HNF1B: variants seen among roughly 807,000 people sequenced by gnomAD.
The protein encoded by HNF1B is HNF1 homeobox B.
A neutral mutation model predicts 61.7 loss-of-function variants in HNF1B; 8 were observed. The ratio of observed to expected loss-of-function variants is 0.13; its 90% confidence interval spans 0.08 to 0.23. The LOEUF (loss-of-function observed/expected upper bound fraction) is 0.23, where lower values mean the gene tolerates loss of function less well. Ranked by LOEUF, HNF1B falls within the 10% of genes least tolerant of loss-of-function variation. The probability of loss-of-function intolerance (pLI) is 1.00; values close to 1 mark genes in which losing one functional copy is unlikely to be tolerated. For missense variants in HNF1B, 562 were observed against 714.5 expected (o/e 0.79, Z 2.43); for synonymous variants, 314 against 287.7 (o/e 1.09, Z -0.93).
chr17:37,736,011 C>T (rs933101584), intron 2 of HNF1B, among the ~76,000 whole-genome samples: 7 of 152,216 alleles, frequency 4.6e-5, no homozygotes, highest in African/African-American at 7.2e-5. Context: ...GCAGTCTTCC[C>T]GCCACCTCAG....
At chr17:37,733,959 G>T in intron 2 of HNF1B, 138 bp from the exon 3 acceptor site, 2 of 1,043,778 alleles carry the variant, frequency 1.9e-6, no homozygotes, top group South Asian at 1.4e-5. Context: ...CTCACTGCAT[G>T]TGGAGCTGGA....
intron 4 of HNF1B, among the ~76,000 whole-genome samples, chr17:37,717,689 G>C (rs1255669638): frequency 6.6e-6 from 1 of 152,156 alleles, no homozygotes; most frequent in African/African-American, 2.4e-5. Context: ...GATTCTGTCT[G>C]GTGAACTTCT....
chr17:37,727,005 G>A lies in HNF1B; in HGVS notation c.1045+4590C>T, dbSNP rs78488282. Among the ~76,000 whole-genome samples the A allele has an allele frequency of 8.9e-3, 1,355 of 152,144 alleles. 17 individuals carry two copies. Among genetic ancestry groups the A allele is most frequent in the African/African-American group, 0.029 (1,213 of 41,476 alleles). On this transcript the variant is annotated intron_variant, in intron 4 of 8. Coordinates refer to ENST00000617811, the MANE Select transcript of HNF1B (RefSeq NM_000458.4). ...GTAGTGGCCAGGTGAGCTTGCTGCCGACTAGAGCAAAGGGTACAGGGAGCA... is the reference window on the plus strand; with the variant it reads ...GTAGTGGCCAGGTGAGCTTGCTGCCAACTAGAGCAAAGGGTACAGGGAGCA...
chr17:37,734,582 C>T (rs2033780360), intron 2 of HNF1B, among the ~76,000 whole-genome samples: 1 of 152,256 alleles, frequency 6.6e-6, no homozygotes, highest in Non-Finnish European at 1.5e-5. Flanking sequence ...CCTTAGCCCA[C>T]ATGGTTTAAT....
intron 4 of HNF1B, among the ~76,000 whole-genome samples, chr17:37,724,156 C>T (rs1308613209): frequency 1.3e-5 from 2 of 152,204 alleles, no homozygotes; most frequent in African/African-American, 4.8e-5. Flanking sequence ...TCTTCAACAG[C>T]ACCTGGGAAC....
intron 7 of HNF1B, among the ~76,000 whole-genome samples, chr17:37,699,783 T>C (rs1386109415): frequency 5.9e-5 from 9 of 152,124 alleles, no homozygotes; most frequent in Admixed American, 3.3e-4. Flanking sequence ...TAAAATGTGA[T>C]TGGAATGTGA....
In HNF1B at chr17:37,715,794, C is replaced by T. The variant is rs554666690; in HGVS notation, c.1046-5131G>A. 1.5e-3 allele frequency among the ~76,000 whole-genome samples: 232 copies of T among 152,286 alleles called. 2 individuals are homozygous for T. Among genetic ancestry groups the T allele is most frequent in the African/African-American group, 5.3e-3 (221 of 41,554 alleles). ...ATTGATATATTTCTTAACTATTTAA[C>T]GGGTATAAAACTCTGGTAATCTTTT... On this transcript the variant is annotated intron_variant, in intron 4 of 8. Transcript: ENST00000617811.
rs764132839 is a variant in HNF1B at position 37,731,657 on chromosome 17, G to A, written c.983C>T (p.Pro328Leu). Reference protein sequence around the residue: ...YSSNQTHSLNPLLSHGSPHHQ... With the variant: ...YSSNQTHSLNLLLSHGSPHHQ... ...GTGGGGGGAGCCGTGGGAGAGCAGA[G>A]GGTTCAGGCTGTGAGTCTGGTTGGA... Residue 328 changes from proline (P) to leucine (L), a missense_variant, in exon 4 of 9, where the codon CCT becomes CTT. Pro to Leu is a moderately conservative substitution (Grantham distance 98). Transcript: ENST00000617811. The A allele has an allele frequency of 3.1e-6, 5 of 1,614,050 alleles. No individual in the cohort carries two copies. The Admixed American group carries it at 8.3e-5, about 27-fold the overall frequency.
rs1355936200 is a variant in HNF1B at position 37,741,665 on chromosome 17, T to G, written c.345-2026A>C. On this transcript the variant is annotated intron_variant, in intron 1 of 8. Coordinates refer to ENST00000617811, the MANE Select transcript of HNF1B (RefSeq NM_000458.4). The stretch of plus-strand genomic sequence containing the variant: ...ACTCCTCGAACCTTAGGGGAAAAAT[T>G]GCATTTTAAAAGTGAATATTGCTTT... Among the ~76,000 whole-genome samples the G allele has an allele frequency of 3.3e-5, 5 of 152,330 alleles. No individual in the cohort carries two copies. The East Asian group carries it at 9.6e-4, about 29-fold the overall frequency.
Position 37,744,935 on chromosome 17 carries a change from A to G in HNF1B, c.-51T>C. ...GTGAGGGGGTGGGTGGGTGCGAGAG[A>G]GGAGGGTGGAGGGGAGTTTCACAAG... is the stretch of plus-strand genomic sequence containing the variant. On this transcript the variant is annotated 5_prime_UTR_variant, in exon 1 of 9. Coordinates refer to ENST00000617811, the MANE Select transcript of HNF1B (RefSeq NM_000458.4). 7.4e-7 allele frequency: 1 copy of G among 1,347,960 alleles called. No individual in the cohort carries two copies. The highest frequency in any genetic ancestry group is 1.8e-5 in the Admixed American group (1 of 54,624). The allele number at this position is 1,347,960 out of a possible 1,614,324, so 83.5% of individuals were successfully genotyped here.
chr17:37,689,998 T>C (rs912734213), intron 8 of HNF1B, among the ~76,000 whole-genome samples: 2 of 89,182 alleles, frequency 2.2e-5, no homozygotes, highest in African/African-American at 9.2e-5. Flanking sequence ...AGTAAACAAA[T>C]GCGTGCACAC....
Position 37,701,156 on chromosome 17 carries a change from T to A in HNF1B, c.1361A>T (p.Gln454Leu). The change falls in exon 7 of 9, where the codon CAG (glutamine) becomes CTG (leucine). Residue 454 changes from glutamine to leucine, a missense_variant. By Grantham distance (113) the Gln-to-Leu change is moderately radical (BLOSUM62 -2). This residue lies in a region of HNF1B where 211 missense variants were observed against 200.7 expected (regional missense o/e 1.05). Transcript: ENST00000617811. ...CACACTGTTGATGACAGGGACACTC[T>A]GTGCTTGGGAGGTGTTGAGGCCTGT... Reference protein sequence around the residue: ...IAQSLNTSQAQSVPVINSVAG... With the variant: ...IAQSLNTSQALSVPVINSVAG... 1.3e-6 allele frequency: 2 copies of A among 1,551,324 alleles called. No homozygotes were observed. The highest frequency in any genetic ancestry group is 1.2e-5 in the South Asian group (1 of 84,014).
At chr17:37,711,002 A>G (rs138070768) in intron 4 of HNF1B, among the ~76,000 whole-genome samples, 3 of 152,358 alleles carry the variant, frequency 2.0e-5, no homozygotes, top group Non-Finnish European at 4.4e-5. Context: ...TTGCTTCCGC[A>G]CAGTTCTTTG....
chr17:37,739,724 C>A, intron 1 of HNF1B, 85 bp from the exon 2 acceptor site: 1 of 1,266,386 alleles, frequency 7.9e-7, no homozygotes, highest in South Asian at 1.3e-5. Context: ...TACCTATGGT[C>A]TATGCAAAAT....
chr17:37,691,589 A>G (rs963018159), intron 8 of HNF1B, among the ~76,000 whole-genome samples: 2 of 152,100 alleles, frequency 1.3e-5, no homozygotes, highest in African/African-American at 4.8e-5. Context: ...TTCCTTTGGG[A>G]CATGCGCTGA....
chr17:37,704,542 A>G (rs2032676118), intron 6 of HNF1B, among the ~76,000 whole-genome samples: 1 of 152,238 alleles, frequency 6.6e-6, no homozygotes, highest in Non-Finnish European at 1.5e-5. Context: ...GACAAAGTGT[A>G]AGCTACGATG....
chr17:37,743,103 G>C (rs1178558894), intron 1 of HNF1B, among the ~76,000 whole-genome samples: 1 of 152,226 alleles, frequency 6.6e-6, no homozygotes, highest in African/African-American at 2.4e-5. Context: ...GCTGGGTGCG[G>C]AGGGGCGCCC....
chr17:37,686,740 G>A lies in HNF1B; in HGVS notation c.*632C>T, dbSNP rs1260584503. 1 of 175,220 alleles carries A rather than the reference G, an allele frequency of 5.7e-6. No homozygotes were observed. The highest frequency in any genetic ancestry group is 1.2e-5 in the Non-Finnish European group (1 of 80,316). 10.9% of individuals were successfully genotyped at this position (175,220 alleles called of 1,614,324 possible). ...TCCCACTTAGGATGTTTCTCCATGA[G>A]GGGAGAGGGGACAGATCACTTTTGA... On this transcript the variant is annotated 3_prime_UTR_variant, in exon 9 of 9. Coordinates refer to ENST00000617811, the MANE Select transcript of HNF1B (RefSeq NM_000458.4).
intron 6 of HNF1B, among the ~76,000 whole-genome samples, chr17:37,702,997 T>C (rs1370350346): frequency 6.6e-6 from 1 of 152,232 alleles, no homozygotes; most frequent in Non-Finnish European, 1.5e-5. Context: ...GAGAATAGGA[T>C]GAAGAGGTGA....
Sources: gnomAD v4.1 joint callset for allele counts (sites outside exome capture counted in the v4.1 genomes callset) on GRCh38, gnomAD v4.1.1 for gene constraint, gnomAD v4.1.1 regional missense constraint, MANE v1.5 for transcripts, NCBI Gene and HGNC (gene_info 2026-07-23, HGNC 2026-07-21) for gene names.